The following ZNF83 variants were observed in gnomAD, a reference collection of about 807,000 sequenced individuals.
ZNF83 encodes the protein zinc finger protein 83, also known as zinc finger protein 816B.
For missense variants in ZNF83, 552 were observed against 629.9 expected (o/e 0.88, Z 1.32); for synonymous variants, 209 against 213.0 (o/e 0.98, Z 0.17).
chr19:52,633,766 C>T (rs961447105), intron 2 of ZNF83, among the ~76,000 whole-genome samples: 2 of 151,068 alleles, frequency 1.3e-5, no homozygotes, highest in East Asian at 2.0e-4. Context: ...CAAAATTAGC[C>T]GGGCATGGTG....
intron 3 of ZNF83, chr19:52,650,667 G>C (rs957192494): frequency 6.6e-6 from 1 of 152,112 alleles, no homozygotes; most frequent in African/African-American, 2.4e-5. Flanking sequence ...GAGTCAAAGG[G>C]GAAGGATTTA....
chr19:52,666,890 TAA>T (rs2061661558), intron 1 of ZNF83, among the ~76,000 whole-genome samples: 1 of 152,166 alleles, frequency 6.6e-6, no homozygotes, highest in Non-Finnish European at 1.5e-5. Context: ...CAATAAGTGA[TAA>T]AGAAACTCTT....
At chr19:52,646,695 G>A (rs1029051936) in intron 3 of ZNF83, among the ~76,000 whole-genome samples, 1 of 152,144 alleles carries the variant, frequency 6.6e-6, no homozygotes, top group African/African-American at 2.4e-5. Context: ...CCCAGTCTAA[G>A]AAACTGGATA....
chr19:52,638,012 C>T (rs2061210253), intron 1 of ZNF83, among the ~76,000 whole-genome samples: 1 of 151,982 alleles, frequency 6.6e-6, no homozygotes, highest in Non-Finnish European at 1.5e-5. Flanking sequence ...GAATCCAGCT[C>T]TCGGGTGAGG....
intron 1 of ZNF83, among the ~76,000 whole-genome samples, chr19:52,668,664 G>C (rs759060566): frequency 6.6e-6 from 1 of 152,166 alleles, no homozygotes; most frequent in Non-Finnish European, 1.5e-5. Context: ...GCAAACCATA[G>C]CTATTGAAAC....
intron 3 of ZNF83, among the ~76,000 whole-genome samples, chr19:52,647,513 C>T (rs946514016): frequency 2.0e-5 from 3 of 152,002 alleles, no homozygotes; most frequent in African/African-American, 7.2e-5. Flanking sequence ...AACTCCTGGA[C>T]TCAGGCAATC....
At chr19:52,639,117 C>G (rs2061249019), upstream of ZNF83, among the ~76,000 whole-genome samples, 1 of 151,958 alleles carries the variant, frequency 6.6e-6, no homozygotes, top group African/African-American at 2.4e-5. Context: ...TTTTTTGTTT[C>G]TTGAGATGGA....
chr19:52,613,187 T>C (rs1207132520), exon 3 of ZNF83: 10 of 1,614,108 alleles, frequency 6.2e-6, no homozygotes, highest in Non-Finnish European at 7.6e-6. Flanking sequence ...CCACATTCAT[T>C]ACATTTGAAA....
At chr19:52,686,928 T>A (rs2062026399) in intron 1 of ZNF83, among the ~76,000 whole-genome samples, 1 of 151,938 alleles carries the variant, frequency 6.6e-6, no homozygotes, top group Non-Finnish European at 1.5e-5. Context: ...ACATCTGTAA[T>A]CCCAGCACTT....
At chr19:52,664,976 T>C (rs2061630016) in intron 1 of ZNF83, among the ~76,000 whole-genome samples, 2 of 152,146 alleles carry the variant, frequency 1.3e-5, no homozygotes, top group East Asian at 1.9e-4. Flanking sequence ...TTCCTTACTA[T>C]TGAAATTAAT....
intron 3 of ZNF83, chr19:52,652,946 G>A (rs1482401283): frequency 8.1e-7 from 1 of 1,234,166 alleles, no homozygotes; most frequent in African/African-American, 1.5e-5. Flanking sequence ...GATGACATAT[G>A]ACTGAAGGTC....
chr19:52,665,747 G>A (rs1426486363), intron 1 of ZNF83, among the ~76,000 whole-genome samples: 3 of 152,138 alleles, frequency 2.0e-5, no homozygotes, highest in African/African-American at 4.8e-5. Context: ...AATCCTAGCC[G>A]ATAGGGGAAT....
At chr19:52,642,127 G>C (rs1273031624), upstream of ZNF83, among the ~76,000 whole-genome samples, 1 of 152,066 alleles carries the variant, frequency 6.6e-6, no homozygotes, top group East Asian at 1.9e-4. Context: ...ATTTGACTCA[G>C]GTGTACAGAG....
chr19:52,662,990 C>T (rs146105096), intron 1 of ZNF83, among the ~76,000 whole-genome samples: 2,466 of 151,986 alleles, frequency 0.016, 189 homozygotes, highest in Admixed American at 0.14. Context: ...CGGTGAAATC[C>T]CGTCTCTATG....
chr19:52,637,311 G>A (rs1375384065), intron 1 of ZNF83, among the ~76,000 whole-genome samples: 1 of 151,952 alleles, frequency 6.6e-6, no homozygotes, highest in Non-Finnish European at 1.5e-5. Flanking sequence ...TGGAACCACA[G>A]ATCCCCAGGT....
chr19:52,687,651 AT>A (rs1273500194), intron 1 of ZNF83, among the ~76,000 whole-genome samples: 2 of 36,758 alleles, frequency 5.4e-5, no homozygotes, highest in African/African-American at 6.6e-4. Context: ...ATATATATAT[AT>A]ATATAATGTA....
intron 1 of ZNF83, among the ~76,000 whole-genome samples, chr19:52,670,442 CCT>C (rs1298097107): frequency 1.3e-5 from 2 of 152,120 alleles, no homozygotes; most frequent in Non-Finnish European, 2.9e-5. Flanking sequence ...ACCATTGCTC[CCT>C]CTGTGAGGGC....
intron 1 of ZNF83, among the ~76,000 whole-genome samples, chr19:52,673,875 G>T (rs908963581): frequency 6.6e-6 from 1 of 151,382 alleles, no homozygotes; most frequent in Non-Finnish European, 1.5e-5. Context: ...AATTAACCGG[G>T]CCTGGTGGTG....
intron 2 of ZNF83, among the ~76,000 whole-genome samples, chr19:52,631,270 C>T (rs962306014): frequency 5.3e-5 from 8 of 152,060 alleles, no homozygotes; most frequent in African/African-American, 1.7e-4. Context: ...TCTCCCAAAC[C>T]TCAATCCCTT....
Sources: gnomAD v4.1 joint callset for allele counts (sites outside exome capture counted in the v4.1 genomes callset) on GRCh38, gnomAD v4.1.1 for gene constraint, MANE v1.5 for transcripts, NCBI Gene and HGNC (gene_info 2026-07-23, HGNC 2026-07-21) for gene names.